SLC4A11: variants seen among roughly 807,000 people sequenced by gnomAD.
SLC4A11 encodes the protein solute carrier family 4 member 11, also known as bicarbonate transporter related protein 1.
Under a neutral mutation model 95.0 loss-of-function variants are expected in SLC4A11, and 74 were observed. That is an observed-to-expected ratio of 0.78 (90% CI 0.65 to 0.95). The LOEUF is 0.95. Among genes scored for constraint, SLC4A11 ranks in the 40% least tolerant of loss-of-function variants. The pLI, the probability that SLC4A11 is intolerant of heterozygous loss-of-function variation, is 0.00. For missense variants in SLC4A11, 1,081 were observed against 1,192.4 expected, an observed-to-expected ratio of 0.91 and a Z score of 1.38; for synonymous variants, 548 against 519.0, an observed-to-expected ratio of 1.06 and a Z score of -0.76.
intron 19 of SLC4A11, 123 bp downstream of exon 19, chr20:3,228,136 A>ACCCCCC: frequency 2.3e-6 from 1 of 437,414 alleles, no homozygotes; most frequent in Non-Finnish European, 4.4e-6. Flanking sequence ...CCTCCTGGGC[A>ACCCCCC]CCCACCCCAA....
chr20:3,234,033 G>A lies in SLC4A11; in HGVS notation c.524-31C>T, dbSNP rs1436632309. ...GAAAGAGTGAGGGGGAGGGTGGTGG[G>A]TCAACAGCCCCTCCCAACGCCCCCG... On this transcript the variant is annotated intron_variant, in intron 5 of 19. Transcript: ENST00000642402. The surrounding 1 kb of genome is among the most constrained non-coding windows in gnomAD (Gnocchi z 5.8). 6.2e-7 allele frequency: 1 copy of A among 1,613,602 alleles called. No individual in the cohort carries two copies. Among genetic ancestry groups the A allele is most frequent in the South Asian group, 1.1e-5 (1 of 91,082 alleles).
At chr20:3,230,016 G>A (rs967790107) in intron 13 of SLC4A11, among the ~76,000 whole-genome samples, 171 bp downstream of exon 13, 4 of 152,172 alleles carry the variant, frequency 2.6e-5, no homozygotes, top group Non-Finnish European at 5.9e-5. Flanking sequence ...TCACCCTCCA[G>A]CGTGGAGGGC....
chr20:3,229,899 C>T (rs933996395), intron 13 of SLC4A11, 123 bp from the exon 14 acceptor site: 46 of 1,355,552 alleles, frequency 3.4e-5, no homozygotes, highest in Non-Finnish European at 4.7e-5. Flanking sequence ...GCCGACGTGC[C>T]CATGCACCCA....
chr20:3,230,458 G>T (rs974041047), intron 12 of SLC4A11, 57 bp downstream of exon 12: 2 of 1,611,950 alleles, frequency 1.2e-6, no homozygotes, highest in African/African-American at 1.3e-5. Context: ...GGTTACAGGG[G>T]GCTGAACCAG....
Position 3,230,173 on chromosome 20 carries a change from C to T in SLC4A11, c.1489+14G>A, listed in dbSNP as rs767312486. 2 of 1,613,440 alleles carry T rather than the reference C, an allele frequency of 1.2e-6. No homozygotes were observed. Among genetic ancestry groups the T allele is most frequent in the South Asian group, 2.2e-5 (2 of 91,086 alleles). On this transcript the variant is annotated intron_variant, in intron 13 of 19. Coordinates refer to ENST00000642402, the MANE Select transcript of SLC4A11 (RefSeq NM_001174089.2). ...GAGCGCCCTGTTCAGCAGGTGGCCC[C>T]CAGCCGCACTCACTTTTAACCGTGC...
chr20:3,234,469 G>A lies in SLC4A11; in HGVS notation c.291+99C>T. The A allele has an allele frequency of 6.4e-7, 1 of 1,559,776 alleles. No individual in the cohort carries two copies. The highest frequency in any genetic ancestry group is 8.8e-7 in the Non-Finnish European group (1 of 1,133,772). On this transcript the variant is annotated intron_variant, in intron 4 of 19. Transcript: ENST00000642402. This position sits in a 1 kb window ranked among gnomAD's most constrained non-coding sequence, Gnocchi z 5.8. ...AGCTCCCTGTTGAGCTGCTCCTGGA[G>A]GCATGGGAAGAGGGGAGCAGCGGGA...
Position 3,229,295 on chromosome 20 carries a change from G to A in SLC4A11, c.1850-32C>T, listed in dbSNP as rs770610958. 32 of 1,612,926 alleles carry A rather than the reference G, an allele frequency of 2.0e-5. No individual in the cohort carries two copies. In the Admixed American group the frequency reaches 2.3e-4, roughly 12 times the overall value. ...TAGGGGACAGGCTACTGCTATGCCT[G>A]CAGCGCCTGGGGAGCTACCCCACGT... On this transcript the variant is annotated intron_variant, in intron 15 of 19. Transcript: ENST00000642402.
intron 19 of SLC4A11, among the ~76,000 whole-genome samples, 172 bp from the exon 20 acceptor site, chr20:3,228,028 A>AG (rs2067592269): frequency 1.4e-5 from 1 of 71,306 alleles, no homozygotes; most frequent in African/African-American, 5.3e-5. Context: ...CCTGCCCACC[A>AG]CCCACCCCAG....
At chr20:3,229,827 G>A in intron 13 of SLC4A11, 51 bp from the exon 14 acceptor site, 1 of 1,612,548 alleles carries the variant, frequency 6.2e-7, no homozygotes, top group Non-Finnish European at 8.5e-7. Context: ...GTGGCAGGGG[G>A]AGGCCCTGGA....
intron 17 of SLC4A11, 54 bp from the exon 18 acceptor site, chr20:3,228,761 C>A: frequency 6.2e-7 from 1 of 1,612,506 alleles, no homozygotes; most frequent in Non-Finnish European, 8.5e-7. Flanking sequence ...CACAGGGCCT[C>A]ACTCCTCCCT....
Position 3,229,610 on chromosome 20 carries a change from G to A in SLC4A11, c.1656C>T (p.His552=). 1 of 1,612,982 alleles carries A rather than the reference G, an allele frequency of 6.2e-7. No individual in the cohort carries two copies. The highest frequency in any genetic ancestry group is 1.3e-5 in the African/African-American group (1 of 75,036). ...TGAGCACGGCGGTCGCCTGGCCTGAGTGTGTGGCCGAGGGCAGCTCCGTGG... is the reference window on the plus strand; with the variant it reads ...TGAGCACGGCGGTCGCCTGGCCTGAATGTGTGGCCGAGGGCAGCTCCGTGG... ...ASPTELPSAT[H]SGQATAVLSL... is the part of the protein sequence containing the mutation. Residue 552 remains histidine, a synonymous_variant, in exon 14 of 20, where the codon CAC becomes CAT. Transcript: ENST00000642402.
In SLC4A11 at chr20:3,228,420, G is replaced by C; in HGVS notation, c.2397C>G (p.Tyr799Ter). Residue 799 changes from tyrosine to a stop codon, truncating the protein, a stop_gained, in exon 19 of 20, where the codon TAC (tyrosine) becomes TAG (stop). Transcript: ENST00000642402. LOFTEE classifies it high-confidence loss of function. ...VALLLKEQTA[Y>*]PPTHYIRRVP... ...CCCTCCGGATGTAGTGTGTCGGGGG[G>C]TACGCAGTCTGTGGGCGGCAGGGAC... 6.2e-7 allele frequency: 1 copy of C among 1,613,246 alleles called. No individual in the cohort carries two copies. Among genetic ancestry groups the C allele is most frequent in the Non-Finnish European group, 8.5e-7 (1 of 1,179,964 alleles).
chr20:3,237,624 A>C, intron 1 of SLC4A11, 36 bp from the exon 2 acceptor site: 1 of 1,613,966 alleles, frequency 6.2e-7, no homozygotes, highest in African/African-American at 1.3e-5. Flanking sequence ...AGCCCCATGG[A>C]CCAAGCCCTG....
At chr20:3,229,059 G>T in intron 16 of SLC4A11, 36 bp downstream of exon 16, 1 of 1,550,522 alleles carries the variant, frequency 6.4e-7, no homozygotes, top group South Asian at 1.2e-5. Context: ...CAGAGGCCCG[G>T]GCCCCGCCCA....
intron 7 of SLC4A11, among the ~76,000 whole-genome samples, chr20:3,232,866 G>T (rs2067826278): frequency 6.6e-6 from 1 of 152,206 alleles, no homozygotes; most frequent in African/African-American, 2.4e-5. Flanking sequence ...TTCTGTGTGG[G>T]CACCCTGCTG....
Position 3,231,372 on chromosome 20 carries a change from C to G in SLC4A11, c.906G>C (p.Lys302Asn), listed in dbSNP as rs6051662. 3.7e-6 allele frequency: 6 copies of G among 1,613,986 alleles called. No individual in the cohort carries two copies. Among genetic ancestry groups the G allele is most frequent in the Non-Finnish European group, 5.1e-6 (6 of 1,180,028 alleles). ...CAGGGAGGGAGACTGTGCTGCGTTC[C>G]TTCGTTCTCGGCGCCACTGGACCGT... is the stretch of plus-strand genomic sequence containing the variant. ...VSHGPVAPRT[K>N]ERSTVSLPAH... The change falls in exon 8 of 20, where the codon AAG (lysine) becomes AAC (asparagine). Residue 302 changes from lysine (K) to asparagine (N), a missense_variant. This residue lies in a region of SLC4A11 where 767 missense variants were observed against 858.0 expected (regional missense o/e 0.89). Coordinates refer to ENST00000642402, the MANE Select transcript of SLC4A11 (RefSeq NM_001174089.2). The surrounding 1 kb of genome is among the most constrained non-coding windows in gnomAD (Gnocchi z 5.2).
chr20:3,237,657 C>T, intron 1 of SLC4A11, 69 bp from the exon 2 acceptor site: 1 of 1,614,088 alleles, frequency 6.2e-7, no homozygotes, highest in Non-Finnish European at 8.5e-7. Context: ...GCACCTGTCT[C>T]CCCGCCCCCC....
Position 3,231,176 on chromosome 20 carries a change from G to C in SLC4A11, c.1015C>G (p.Pro339Ala), listed in dbSNP as rs755642608. ...GIREDIARRF[P>A]LYPLDFTDGI... Reference sequence around the variant, plus strand: ...TCAGTGAAGTCCAAGGGGTACAAGGGGAACCTGCGTGCGATGTCCTCCCGG... The same window carrying C: ...TCAGTGAAGTCCAAGGGGTACAAGGCGAACCTGCGTGCGATGTCCTCCCGG... Residue 339 changes from proline (P) to alanine (A), a missense_variant, in exon 9 of 20, where the codon CCC becomes GCC. Physicochemically the swap from Pro to Ala is conservative, Grantham distance 27. Coordinates refer to ENST00000642402, the MANE Select transcript of SLC4A11 (RefSeq NM_001174089.2). The surrounding 1 kb of genome is among the most constrained non-coding windows in gnomAD (Gnocchi z 5.2). 6.2e-7 allele frequency: 1 copy of C among 1,614,164 alleles called. No homozygotes were observed. The highest frequency in any genetic ancestry group is 8.5e-7 in the Non-Finnish European group (1 of 1,180,028).
At chr20:3,230,116 C>T (rs552456325) in intron 13 of SLC4A11, 71 bp downstream of exon 13, 948 of 1,550,822 alleles carry the variant, frequency 6.1e-4, no homozygotes, top group Admixed American at 8.3e-4. Context: ...GTGCCCCCAG[C>T]CAGGGGCAGT....
Sources: gnomAD v4.1 joint callset for allele counts (sites outside exome capture counted in the v4.1 genomes callset) on GRCh38, gnomAD v4.1.1 for gene constraint, gnomAD v4.1.1 regional missense constraint, Gnocchi (gnomAD v3.1) non-coding constraint, MANE v1.5 for transcripts, NCBI Gene and HGNC (gene_info 2026-07-23, HGNC 2026-07-21) for gene names.